The following PCDHGB2 variants were observed in gnomAD, a reference collection of about 807,000 sequenced individuals.
PCDHGB2 encodes protocadherin gamma subfamily B, 2.
In PCDHGB2, 55 loss-of-function variants were observed where a neutral mutation model predicts 59.3. The observed-to-expected ratio is 0.93, with a 90% CI of 0.75 to 1.16. The LOEUF is 1.16. Ranked by LOEUF, PCDHGB2 falls within the 50% of genes most tolerant of loss-of-function variation. PCDHGB2 has a pLI of 0.00. For missense variants in PCDHGB2, 1,228 were observed against 1,198.5 expected (o/e 1.02, Z -0.36); for synonymous variants, 516 against 512.0 (o/e 1.01, Z -0.11).
In PCDHGB2 at chr5:141,438,591, C is replaced by T. The variant is rs12717894; in HGVS notation, c.2422-56216C>T. 3.5e-3 allele frequency among the ~76,000 whole-genome samples: 262 copies of T among 75,376 alleles called. 1 individual carries two copies. The highest frequency in any genetic ancestry group is 4.5e-3 in the Non-Finnish European group (168 of 37,204). 49.4% of individuals were successfully genotyped at this position (75,376 alleles called of 152,430 possible). ...TCTGATATACATACATACATACATA[C>T]ATATATATATATATATATATATATA... On this transcript the variant is annotated intron_variant, in intron 1 of 3. Transcript: ENST00000522605.
intron 1 of PCDHGB2, among the ~76,000 whole-genome samples, chr5:141,396,910 A>G (rs1335319555): frequency 1.3e-5 from 2 of 152,208 alleles, no homozygotes; most frequent in Non-Finnish European, 2.9e-5. Flanking sequence ...GCACTTTGCA[A>G]TTTTAAAAAC....
intron 1 of PCDHGB2, chr5:141,372,338 T>A: frequency 6.2e-7 from 1 of 1,613,820 alleles, no homozygotes; most frequent in South Asian, 1.1e-5. Flanking sequence ...CTGTGCGTGA[T>A]GGAGGACAGC....
intron 1 of PCDHGB2, chr5:141,389,373 C>T (rs1561624770): frequency 3.1e-6 from 5 of 1,613,756 alleles, no homozygotes; most frequent in Non-Finnish European, 4.2e-6. Flanking sequence ...CCTGGAGCAG[C>T]GGGAGCTGTC....
intron 1 of PCDHGB2, among the ~76,000 whole-genome samples, chr5:141,362,796 T>C (rs1462578266): frequency 6.6e-6 from 1 of 152,252 alleles, no homozygotes; most frequent in Non-Finnish European, 1.5e-5. Context: ...TTCTTCCTCA[T>C]CTTTACATTA....
intron 1 of PCDHGB2, chr5:141,418,464 G>A: frequency 3.7e-6 from 6 of 1,614,010 alleles, no homozygotes; most frequent in Non-Finnish European, 5.1e-6. Flanking sequence ...ACTCTGGACC[G>A]AGAAACGCAG....
intron 1 of PCDHGB2, chr5:141,423,100 G>C (rs2096709499): frequency 6.2e-7 from 1 of 1,613,944 alleles, no homozygotes; most frequent in Non-Finnish European, 8.5e-7. Context: ...GGAGCACACG[G>C]GCGAGGTGCG....
chr5:141,408,918 C>T, intron 1 of PCDHGB2: 1 of 1,613,408 alleles, frequency 6.2e-7, no homozygotes. Flanking sequence ...AATGATAACC[C>T]CCCGGTTTTC....
intron 1 of PCDHGB2, chr5:141,383,333 A>G: frequency 6.2e-7 from 1 of 1,614,006 alleles, no homozygotes; most frequent in South Asian, 1.1e-5. Context: ...ATAATGGAGA[A>G]TACAGCTCCT....
chr5:141,370,288 C>A, intron 1 of PCDHGB2: 1 of 1,009,420 alleles, frequency 9.9e-7, no homozygotes, highest in Non-Finnish European at 1.4e-6. Flanking sequence ...ATTAGAGAAC[C>A]CAAGCACAAA....
chr5:141,375,114 T>G, intron 1 of PCDHGB2: 1 of 1,613,970 alleles, frequency 6.2e-7, no homozygotes, highest in African/African-American at 1.3e-5. Context: ...AATGATAATG[T>G]ACCAGAAGTG....
At chr5:141,446,894 A>C (rs1413761456) in intron 1 of PCDHGB2, among the ~76,000 whole-genome samples, 3 of 152,118 alleles carry the variant, frequency 2.0e-5, no homozygotes, top group Non-Finnish European at 2.9e-5. Flanking sequence ...TTCATGGCTG[A>C]GCTACTTTTG....
intron 1 of PCDHGB2, among the ~76,000 whole-genome samples, chr5:141,472,516 G>T (rs545962540): frequency 2.0e-5 from 3 of 152,072 alleles, no homozygotes; most frequent in Non-Finnish European, 4.4e-5. Flanking sequence ...CTCCAGCCTG[G>T]GTGACAGAGT....
intron 1 of PCDHGB2, chr5:141,423,623 C>T (rs1391650851): frequency 6.2e-7 from 1 of 1,607,330 alleles, no homozygotes; most frequent in South Asian, 1.1e-5. Context: ...GAAGACTCAG[C>T]TATCATTTTA....
At chr5:141,419,182 C>T in intron 1 of PCDHGB2, 2 of 1,613,986 alleles carry the variant, frequency 1.2e-6, no homozygotes, top group Non-Finnish European at 1.7e-6. Context: ...TAACCCTGCA[C>T]ATTACTGACG....
chr5:141,492,084 G>A (rs979755390), intron 1 of PCDHGB2, among the ~76,000 whole-genome samples: 1 of 152,236 alleles, frequency 6.6e-6, no homozygotes, highest in Non-Finnish European at 1.5e-5. Flanking sequence ...GCTCCGGCAC[G>A]CTTCGCCGGT....
Position 141,397,997 on chromosome 5 carries a change from C to T in PCDHGB2, c.2421+35441C>T, listed in dbSNP as rs2093595590. ...GCCGGCCTTTACACCGCTTCCTCCTCGGAAAAAGAATCGTTTCCTAAACTG... is the reference window on the plus strand; with the variant it reads ...GCCGGCCTTTACACCGCTTCCTCCTTGGAAAAAGAATCGTTTCCTAAACTG... On this transcript the variant is annotated intron_variant, in intron 1 of 3. Coordinates refer to ENST00000522605, the MANE Select transcript of PCDHGB2 (RefSeq NM_018923.3). The T allele has an allele frequency of 6.6e-6, 9 of 1,372,980 alleles. No individual in the cohort carries two copies. The Admixed American group carries it at 2.4e-4, about 37-fold the overall frequency. The allele number at this position is 1,372,980 out of a possible 1,614,324, so 85.0% of individuals were successfully genotyped here.
At chr5:141,425,413 T>G (rs2096873899) in intron 1 of PCDHGB2, among the ~76,000 whole-genome samples, 1 of 152,202 alleles carries the variant, frequency 6.6e-6, no homozygotes, top group African/African-American at 2.4e-5. Context: ...AGGTATAACA[T>G]ATAGTCCCAT....
intron 1 of PCDHGB2, chr5:141,426,776 C>G (rs1258505646): frequency 2.2e-6 from 1 of 456,584 alleles, no homozygotes; most frequent in Admixed American, 2.3e-5. Flanking sequence ...TAGGGCCTCA[C>G]TCTCTCCAGA....
intron 1 of PCDHGB2, chr5:141,414,150 A>C (rs750190499): frequency 6.2e-7 from 1 of 1,600,176 alleles, no homozygotes; most frequent in African/African-American, 1.3e-5. Context: ...AAATACAAGC[A>C]GAAGATGGAG....
Sources: gnomAD v4.1 joint callset for allele counts (sites outside exome capture counted in the v4.1 genomes callset) on GRCh38, gnomAD v4.1.1 for gene constraint, MANE v1.5 for transcripts, NCBI Gene and HGNC (gene_info 2026-07-23, HGNC 2026-07-21) for gene names.